RTL4: variants seen among roughly 807,000 people sequenced by gnomAD.
The protein encoded by RTL4 is retrotransposon Gag like 4, also known as retrotransposon Gag-like protein 4.
RTL4 carries 4 observed loss-of-function variants against 5.3 expected under a neutral mutation model. That is an observed-to-expected ratio of 0.75 (90% CI 0.37 to 1.72). The LOEUF is 1.72. RTL4 is among the 40% of genes most tolerant of loss of function. The pLI is 0.04. For missense variants in RTL4, 260 were observed against 227.1 expected (o/e 1.14, Z -0.93); for synonymous variants, 98 against 87.3 (o/e 1.12, Z -0.68).
chrX:112,291,833 A>G, the RTL4 span, among the ~76,000 whole-genome samples: 6 of 110,043 alleles, frequency 5.5e-5, no homozygotes, highest in African/African-American at 9.9e-5. Flanking sequence ...CTGACCTCGT[A>G]ATCCGCCCCC....
At chrX:112,110,869 A>G in the RTL4 span, among the ~76,000 whole-genome samples, 1 of 111,493 alleles carries the variant, frequency 9.0e-6, no homozygotes. Flanking sequence ...TCCTGAAGGG[A>G]GTTCCTCCTA....
the RTL4 span, among the ~76,000 whole-genome samples, chrX:112,175,136 A>C: frequency 1.9e-5 from 2 of 107,921 alleles, no homozygotes; most frequent in South Asian, 4.2e-4. Flanking sequence ...TTGGTATTTT[A>C]GACATGAAGT....
At chrX:112,210,985 A>G in the RTL4 span, among the ~76,000 whole-genome samples, 3 of 112,501 alleles carry the variant, frequency 2.7e-5, no homozygotes, top group Non-Finnish European at 5.6e-5. Context: ...TATTCGTTCA[A>G]AACAGTTGGT....
the RTL4 span, among the ~76,000 whole-genome samples, chrX:112,265,458 C>T: frequency 8.9e-6 from 1 of 112,092 alleles, no homozygotes; most frequent in East Asian, 2.8e-4. Context: ...AAAACAACTT[C>T]CATGATTCAA....
the RTL4 span, among the ~76,000 whole-genome samples, chrX:112,276,471 G>A: frequency 8.9e-6 from 1 of 112,026 alleles, no homozygotes; most frequent in Non-Finnish European, 1.9e-5. Context: ...TCTATTAAAA[G>A]CTCTAAATAG....
the RTL4 span, among the ~76,000 whole-genome samples, chrX:112,368,883 T>C: frequency 8.9e-6 from 1 of 112,467 alleles, no homozygotes; most frequent in Non-Finnish European, 1.9e-5. Flanking sequence ...CACCAATTAA[T>C]AATAACCAGA....
At chrX:112,373,344 A>G in the RTL4 span, among the ~76,000 whole-genome samples, 7 of 111,449 alleles carry the variant, frequency 6.3e-5, no homozygotes, top group African/African-American at 2.3e-4. Context: ...ACATAGTGGT[A>G]ACTCATTGTG....
At chrX:112,255,603 C>T in the RTL4 span, among the ~76,000 whole-genome samples, 1 of 111,638 alleles carries the variant, frequency 9.0e-6, no homozygotes, top group South Asian at 3.8e-4. Context: ...CACTCTGTTC[C>T]CACCTCACAG....
the RTL4 span, among the ~76,000 whole-genome samples, chrX:112,105,522 G>A: frequency 9.0e-6 from 1 of 111,297 alleles, no homozygotes; most frequent in Non-Finnish European, 1.9e-5. Flanking sequence ...ATGCATGATT[G>A]TTGGCTATCT....
At chrX:112,159,242 C>T in the RTL4 span, among the ~76,000 whole-genome samples, 1 of 112,437 alleles carries the variant, frequency 8.9e-6, no homozygotes, top group Non-Finnish European at 1.9e-5. Context: ...GGTTTCACTA[C>T]AACTGTCCTA....
At chrX:112,230,918 C>A in the RTL4 span, among the ~76,000 whole-genome samples, 1 of 111,063 alleles carries the variant, frequency 9.0e-6, no homozygotes, top group African/African-American at 3.3e-5. Context: ...GTGAAGGATA[C>A]GAACAGACAC....
the RTL4 span, among the ~76,000 whole-genome samples, chrX:112,088,230 G>C: frequency 9.7e-6 from 1 of 103,227 alleles, no homozygotes; most frequent in African/African-American, 3.6e-5. Context: ...CCCTCCAGCT[G>C]TTGACAACTA....
chrX:112,161,844 C>CCTTTCTTTCTTTCTTTCTTTCTTT, the RTL4 span, among the ~76,000 whole-genome samples: 4 of 40,077 alleles, frequency 1.0e-4, no homozygotes, highest in African/African-American at 4.7e-4. Flanking sequence ...TTCCTTCCTT[C>CCTTTCTTTCTTTCTTTCTTTCTTT]CTTTCTTTCT....
At chrX:112,432,976 T>C in the RTL4 span, among the ~76,000 whole-genome samples, 1 of 111,437 alleles carries the variant, frequency 9.0e-6, no homozygotes, top group Non-Finnish European at 1.9e-5. Flanking sequence ...CAGCACCATT[T>C]ATTAAATAGG....
At chrX:112,366,748 C>A in the RTL4 span, among the ~76,000 whole-genome samples, 1 of 111,897 alleles carries the variant, frequency 8.9e-6, no homozygotes, top group Non-Finnish European at 1.9e-5. Context: ...CATGCACAGA[C>A]AATAAATACC....
chrX:112,155,195 G>A, the RTL4 span, among the ~76,000 whole-genome samples: 3 of 109,900 alleles, frequency 2.7e-5, no homozygotes, highest in Non-Finnish European at 5.7e-5. Context: ...TTTTATTATA[G>A]CAGCACAAGG....
At chrX:112,302,607 G>C in the RTL4 span, among the ~76,000 whole-genome samples, 1 of 112,226 alleles carries the variant, frequency 8.9e-6, no homozygotes, top group Admixed American at 9.5e-5. Flanking sequence ...CCCTCACCCT[G>C]TAGGGCTGTT....
chrX:112,231,560 A>G, the RTL4 span, among the ~76,000 whole-genome samples: 25 of 71,610 alleles, frequency 3.5e-4, no homozygotes, highest in East Asian at 0.011. Flanking sequence ...ATCACACACC[A>G]GGGACTGTTG....
the RTL4 span, among the ~76,000 whole-genome samples, chrX:112,314,152 A>G: frequency 1.3e-4 from 15 of 111,918 alleles, no homozygotes; most frequent in African/African-American, 4.9e-4. Flanking sequence ...TGAGATTCAG[A>G]GAGATTAAGT....
Sources: allele counts gnomAD v4.1 joint callset (sites outside exome capture counted in the v4.1 genomes callset), GRCh38; gene constraint gnomAD v4.1.1; transcripts MANE v1.5; gene names NCBI Gene and HGNC (gene_info 2026-07-23, HGNC 2026-07-21).